The following ZIC4 variants were observed in gnomAD, a reference collection of about 807,000 sequenced individuals.
ZIC4 encodes zinc finger protein ZIC 4.
A neutral mutation model predicts 28.8 loss-of-function variants in ZIC4; 15 were observed. That is an observed-to-expected ratio of 0.52 (90% CI 0.35 to 0.80). The LOEUF (loss-of-function observed/expected upper bound fraction) is 0.80. Among genes scored for constraint, ZIC4 ranks in the 30% least tolerant of loss-of-function variants. The pLI, the probability that ZIC4 is intolerant of heterozygous loss-of-function variation, is 0.01. For missense variants in ZIC4, 512 were observed against 467.1 expected, an observed-to-expected ratio of 1.10 and a Z score of -0.89; for synonymous variants, 220 against 198.1, an observed-to-expected ratio of 1.11 and a Z score of -0.93.
In ZIC4 at chr3:147,391,236, G is replaced by A. The variant is rs1267736731; in HGVS notation, c.699C>T (p.Pro233=). 25 of 1,589,152 alleles carry A rather than the reference G, an allele frequency of 1.6e-5. No homozygotes were observed. In the African/African-American group the frequency reaches 2.8e-4, roughly 18 times the overall value. Residue 233 remains proline, a synonymous_variant, in exon 4 of 5, where the codon CCC becomes CCT. Coordinates refer to ENST00000383075, the MANE Select transcript of ZIC4 (RefSeq NM_032153.6). ...CGCAGCCCTCGAACTCGCATCTGAA[G>A]GGCTTCTCGCCTGGCGGAGGCAACG... is the stretch of plus-strand genomic sequence containing the variant. ...IHKRTHTGEK[P]FRCEFEGCER... is the part of the protein sequence containing the mutation.
intron 2 of ZIC4, among the ~76,000 whole-genome samples, chr3:147,398,737 A>C (rs1206775806): frequency 6.6e-6 from 1 of 152,116 alleles, no homozygotes; most frequent in Non-Finnish European, 1.5e-5. Flanking sequence ...AGATTGAGTA[A>C]AATATCCCAT....
chr3:147,401,133 C>T (rs757091106), intron 2 of ZIC4, among the ~76,000 whole-genome samples: 2 of 152,154 alleles, frequency 1.3e-5, no homozygotes, highest in South Asian at 2.1e-4. Flanking sequence ...CAAACCAGTG[C>T]CCAGAATCAT....
chr3:147,405,737 TGAGG>T, intron 1 of ZIC4: 1 of 529,268 alleles, frequency 1.9e-6, no homozygotes, highest in Non-Finnish European at 3.4e-6. Context: ...AGGACCAGGG[TGAGG>T]GAGGGCAAGG....
Position 147,388,664 on chromosome 3 carries a change from T to A in ZIC4, c.*195A>T. On this transcript the variant is annotated 3_prime_UTR_variant, in exon 5 of 5. Transcript: ENST00000383075. ...AATATTATGTCCTTAATGAAAAGCCTGGACGGGCTCCAGGCTTGGCCTTTC... is the reference window on the plus strand; with the variant it reads ...AATATTATGTCCTTAATGAAAAGCCAGGACGGGCTCCAGGCTTGGCCTTTC... 1 of 585,008 alleles carries A rather than the reference T, an allele frequency of 1.7e-6. No homozygotes were observed. Among genetic ancestry groups the A allele is most frequent in the Non-Finnish European group, 3.1e-6 (1 of 325,228 alleles). 36.2% of individuals were successfully genotyped at this position (585,008 alleles called of 1,614,324 possible).
chr3:147,393,800 T>C (rs1314632681), intron 3 of ZIC4: 4 of 446,302 alleles, frequency 9.0e-6, no homozygotes, highest in Non-Finnish European at 1.8e-5. Context: ...GGAGAGGAGC[T>C]GGGTGGCGGT....
chr3:147,402,071 A>G (rs1027142269), intron 2 of ZIC4, among the ~76,000 whole-genome samples: 3 of 152,212 alleles, frequency 2.0e-5, no homozygotes, highest in Admixed American at 6.5e-5. Context: ...ACCATCAGCT[A>G]GTGATATAGT....
At chr3:147,389,241 A>G (rs564680913) in intron 4 of ZIC4, 1 of 245,314 alleles carries the variant, frequency 4.1e-6, no homozygotes, top group East Asian at 9.0e-5. Flanking sequence ...AGTCATGAAA[A>G]TAGTTCCACT....
At chr3:147,393,552 G>A (rs1241401932) in intron 3 of ZIC4, 4 of 242,734 alleles carry the variant, frequency 1.6e-5, no homozygotes, top group Non-Finnish European at 3.3e-5. Flanking sequence ...TCATCCCAGA[G>A]GCCCAGCAGT....
chr3:147,389,196 A>G, intron 4 of ZIC4: 1 of 385,532 alleles, frequency 2.6e-6, no homozygotes, highest in Non-Finnish European at 4.7e-6. Flanking sequence ...CGGATTCACT[A>G]AAGGTGTATT....
intron 2 of ZIC4, among the ~76,000 whole-genome samples, chr3:147,400,347 C>T (rs1490082642): frequency 6.6e-6 from 1 of 152,208 alleles, no homozygotes; most frequent in African/African-American, 2.4e-5. Context: ...TTGTGTATGA[C>T]TTTTTTGTGC....
intron 2 of ZIC4, chr3:147,397,309 C>T (rs1314817235): frequency 1.3e-5 from 2 of 152,394 alleles, no homozygotes; most frequent in Admixed American, 6.6e-5. Flanking sequence ...GATGACAGGT[C>T]CTGCCGCACG....
At chr3:147,390,885 C>G (rs1372850346) in intron 4 of ZIC4, 46 bp downstream of exon 4, 1 of 1,557,774 alleles carries the variant, frequency 6.4e-7, no homozygotes, top group Admixed American at 1.8e-5. Context: ...GGCTGAGGAT[C>G]GCGGCGGGGG....
rs1306809131 is a variant in ZIC4 at position 147,402,712 on chromosome 3, G to A, written c.70+16C>T. On this transcript the variant is annotated intron_variant, in intron 2 of 4. Transcript: ENST00000383075. ...GAAACCAGCAAACCAATATTCAAAG[G>A]AGGATTTTAACTTACTTGACTCTTT... 3.2e-6 allele frequency: 5 copies of A among 1,584,512 alleles called. No individual in the cohort carries two copies. The African/African-American group carries it at 6.8e-5, about 21-fold the overall frequency.
chr3:147,402,590 G>C, intron 2 of ZIC4, 138 bp downstream of exon 2: 1 of 676,984 alleles, frequency 1.5e-6, no homozygotes, highest in Admixed American at 3.0e-5. Flanking sequence ...AGTTTCATTT[G>C]AACTCAAGAA....
chr3:147,402,682 G>T, intron 2 of ZIC4, 46 bp downstream of exon 2: 2 of 1,458,342 alleles, frequency 1.4e-6, no homozygotes, highest in African/African-American at 1.4e-5. Flanking sequence ...AGAAGAAGAA[G>T]AAAAGAAACC....
At chr3:147,404,921 G>T (rs949382919) in intron 1 of ZIC4, among the ~76,000 whole-genome samples, 1 of 152,190 alleles carries the variant, frequency 6.6e-6, no homozygotes, top group Admixed American at 6.5e-5. Context: ...GGAAAGGCAT[G>T]CCCACCTCTC....
At chr3:147,395,798 G>A (rs1465055584) in intron 3 of ZIC4, 54 bp downstream of exon 3, 3 of 1,563,720 alleles carry the variant, frequency 1.9e-6, no homozygotes, top group Non-Finnish European at 8.7e-7. Context: ...ATCCAGACCC[G>A]AGGGCCTGCT....
intron 2 of ZIC4, 69 bp downstream of exon 2, chr3:147,402,659 A>T: frequency 7.7e-7 from 1 of 1,293,594 alleles, no homozygotes; most frequent in Non-Finnish European, 1.1e-6. Context: ...TTCCTACTTA[A>T]AAAAAAAAAA....
At chr3:147,395,402 G>A (rs1022910351) in intron 3 of ZIC4, among the ~76,000 whole-genome samples, 3 of 152,132 alleles carry the variant, frequency 2.0e-5, no homozygotes, top group African/African-American at 7.2e-5. Context: ...CCTAAAGAAG[G>A]CTCCAGGGCC....
Sources: allele counts gnomAD v4.1 joint callset (sites outside exome capture counted in the v4.1 genomes callset), GRCh38; gene constraint gnomAD v4.1.1; transcripts MANE v1.5; gene names NCBI Gene and HGNC (gene_info 2026-07-23, HGNC 2026-07-21).